KCNIP1: variants seen among roughly 807,000 people sequenced by gnomAD.
The protein encoded by KCNIP1 is potassium voltage-gated channel interacting protein 1.
Under a neutral mutation model 33.0 loss-of-function variants are expected in KCNIP1, and 18 were observed. The ratio of observed to expected loss-of-function variants is 0.55; its 90% CI spans 0.38 to 0.81. The LOEUF (loss-of-function observed/expected upper bound fraction) is 0.81, where lower values mean the gene tolerates loss of function less well. Ranked by LOEUF, KCNIP1 falls within the 30% of genes least tolerant of loss-of-function variation. The pLI is 0.00. For missense variants in KCNIP1, 238 were observed against 271.6 expected, an observed-to-expected ratio of 0.88 and a Z score of 0.87; for synonymous variants, 93 against 98.3, an observed-to-expected ratio of 0.95 and a Z score of 0.32.
At chr5:170,414,529 T>C (rs190671008) in intron 1 of KCNIP1, among the ~76,000 whole-genome samples, 96 of 151,572 alleles carry the variant, frequency 6.3e-4, no homozygotes, top group Admixed American at 5.3e-3. Context: ...TTCCTTTTTC[T>C]GTCCATAAAT....
At chr5:170,369,529 TGC>T (rs1161989330) in intron 1 of KCNIP1, among the ~76,000 whole-genome samples, 1 of 152,206 alleles carries the variant, frequency 6.6e-6, no homozygotes, top group Non-Finnish European at 1.5e-5. Context: ...TCCAATGCGG[TGC>T]CTGCCCCGCT....
intron 1 of KCNIP1, among the ~76,000 whole-genome samples, chr5:170,365,062 T>C (rs1763620246): frequency 6.6e-6 from 1 of 152,184 alleles, no homozygotes; most frequent in Admixed American, 6.5e-5. Context: ...ATCCAGCTCA[T>C]CCACTAAGAG....
chr5:170,448,242 T>G (rs1217425954), intron 1 of KCNIP1, among the ~76,000 whole-genome samples: 1 of 152,264 alleles, frequency 6.6e-6, no homozygotes, highest in Non-Finnish European at 1.5e-5. Context: ...TATCACTGCC[T>G]GGCAGCATGG....
At chr5:170,513,993 G>A (rs559917835) in intron 1 of KCNIP1, among the ~76,000 whole-genome samples, 1 of 152,334 alleles carries the variant, frequency 6.6e-6, no homozygotes, top group Non-Finnish European at 1.5e-5. Flanking sequence ...GGAGGTTCTT[G>A]ATTGGCTAGT....
At chr5:170,606,965 CT>C (rs139902574) in intron 1 of KCNIP1, among the ~76,000 whole-genome samples, 2,163 of 152,344 alleles carry the variant, frequency 0.014, 47 homozygotes, top group African/African-American at 0.046. Context: ...CTTCTGTCCC[CT>C]GGCCTGAGAT....
At chr5:170,518,059 CATA>C (rs879440763) in intron 1 of KCNIP1, among the ~76,000 whole-genome samples, 7 of 149,858 alleles carry the variant, frequency 4.7e-5, no homozygotes, top group Admixed American at 1.3e-4. Flanking sequence ...GTGGTGTGGT[CATA>C]ATGATAGTGA....
At chr5:170,451,449 C>G (rs1345006124) in intron 1 of KCNIP1, among the ~76,000 whole-genome samples, 1 of 152,136 alleles carries the variant, frequency 6.6e-6, no homozygotes, top group Non-Finnish European at 1.5e-5. Flanking sequence ...AGACCCCTCA[C>G]TGTTCCCCAC....
At chr5:170,622,785 A>G (rs1455353335) in intron 1 of KCNIP1, among the ~76,000 whole-genome samples, 1 of 152,146 alleles carries the variant, frequency 6.6e-6, no homozygotes, top group Non-Finnish European at 1.5e-5. Context: ...TGGAGGGAGC[A>G]CAGCCCTGCT....
At chr5:170,613,276 C>A (rs1175238786) in intron 1 of KCNIP1, among the ~76,000 whole-genome samples, 1 of 152,194 alleles carries the variant, frequency 6.6e-6, no homozygotes, top group African/African-American at 2.4e-5. Context: ...ATCCATTGAG[C>A]CTGTGAGGGG....
chr5:170,406,789 G>A (rs1375494719), intron 1 of KCNIP1, among the ~76,000 whole-genome samples: 1 of 152,202 alleles, frequency 6.6e-6, no homozygotes, highest in Non-Finnish European at 1.5e-5. Flanking sequence ...CCTGCCTAGA[G>A]CTTGGAGAAC....
rs544046337 is a variant in KCNIP1, at chr5:170,550,746, G to A, written c.61+46113G>A. Among the ~76,000 whole-genome samples, 3 of 152,304 alleles carry A rather than the reference G, an allele frequency of 2.0e-5. No individual in the cohort carries two copies. In the South Asian group the frequency reaches 6.2e-4, roughly 32 times the overall value. On this transcript the variant is annotated intron_variant, in intron 1 of 7. Transcript: ENST00000328939. ...TAATGACAGTACTGATGATGATGAT[G>A]ATGGTGATGATGATGACAATAATGG...
At chr5:170,568,197 CATT>C (rs1368649533) in intron 1 of KCNIP1, among the ~76,000 whole-genome samples, 2 of 152,198 alleles carry the variant, frequency 1.3e-5, no homozygotes, top group Non-Finnish European at 2.9e-5. Flanking sequence ...ATAATTCCCT[CATT>C]AGTATTTCTG....
chr5:170,650,552 C>T (rs1259185053), intron 1 of KCNIP1, among the ~76,000 whole-genome samples: 1 of 152,128 alleles, frequency 6.6e-6, no homozygotes, highest in East Asian at 1.9e-4. Context: ...TATGGATATA[C>T]CACAGTAGGC....
rs1182066901 is a variant in KCNIP1 at position 170,546,588 on chromosome 5, C to G, written c.61+41955C>G. 2.0e-5 allele frequency among the ~76,000 whole-genome samples: 3 copies of G among 152,190 alleles called. No homozygotes were observed. The East Asian group carries it at 5.8e-4, about 29-fold the overall frequency. On this transcript the variant is annotated intron_variant, in intron 1 of 7. Transcript: ENST00000328939. ...CAGCAGTTGCCCACAGGGAAGAAAA[C>G]TGTCAGGAGTTATCAGCCTACAGAG...
chr5:170,492,321 A>C (rs1168649794), intron 1 of KCNIP1, among the ~76,000 whole-genome samples: 1 of 152,236 alleles, frequency 6.6e-6, no homozygotes, highest in African/African-American at 2.4e-5. Flanking sequence ...GAAACAGCCA[A>C]ATGAAATGAC....
At chr5:170,421,553 C>T (rs1200552347) in intron 1 of KCNIP1, among the ~76,000 whole-genome samples, 3 of 152,026 alleles carry the variant, frequency 2.0e-5, no homozygotes, top group Admixed American at 6.6e-5. Flanking sequence ...TCACTGATGG[C>T]GTCTTCTTGC....
chr5:170,353,881 G>A (rs1410184182), exon 1 of KCNIP1: 1 of 1,614,006 alleles, frequency 6.2e-7, no homozygotes, highest in Non-Finnish European at 8.5e-7. Flanking sequence ...GCCACCATGA[G>A]CGGCTGCTCC....
chr5:170,430,091 GA>G (rs1755706941), intron 1 of KCNIP1, among the ~76,000 whole-genome samples: 1 of 152,184 alleles, frequency 6.6e-6, no homozygotes, highest in Non-Finnish European at 1.5e-5. Flanking sequence ...TCCTCTAGAG[GA>G]TAGTCACCTG....
chr5:170,732,733 C>T, intron 5 of KCNIP1, 67 bp from the exon 6 acceptor site: 1 of 1,048,092 alleles, frequency 9.5e-7, no homozygotes, highest in Non-Finnish European at 1.5e-6. Context: ...GAGCCCCAAA[C>T]TCTGTCACCT....
Sources: allele counts gnomAD v4.1 joint callset (sites outside exome capture counted in the v4.1 genomes callset), GRCh38; gene constraint gnomAD v4.1.1; transcripts MANE v1.5; gene names NCBI Gene and HGNC (gene_info 2026-07-23, HGNC 2026-07-21).